Variants in AGBL4 observed in about 807,000 individuals in gnomAD.
AGBL4 encodes the protein AGBL carboxypeptidase 4.
Under a neutral mutation model 66.4 loss-of-function variants are expected in AGBL4, and 58 were observed. That is an observed-to-expected ratio of 0.87 (90% CI 0.71 to 1.09). The LOEUF is 1.09. Ranked by LOEUF, AGBL4 falls within the 50% of genes least tolerant of loss-of-function variation. The probability of loss-of-function intolerance (pLI) is 0.00; values close to 1 mark genes in which losing one functional copy is unlikely to be tolerated. For synonymous variants in AGBL4, 234 were observed against 222.9 expected (o/e 1.05, Z -0.44); for missense variants, 579 against 631.0 (o/e 0.92, Z 0.88).
chr1:48,659,177 A>G (rs535279979), intron 7 of AGBL4, among the ~76,000 whole-genome samples: 1 of 149,578 alleles, frequency 6.7e-6, no homozygotes, highest in African/African-American at 2.5e-5. Flanking sequence ...CTGGTCAGGC[A>G]CCTACCTGTG....
chr1:49,545,634 T>TG (rs746093288), intron 3 of AGBL4, among the ~76,000 whole-genome samples: 12 of 152,236 alleles, frequency 7.9e-5, no homozygotes, highest in Non-Finnish European at 1.6e-4. Flanking sequence ...CATATATCTA[T>TG]GGTATATGAG....
intron 3 of AGBL4, among the ~76,000 whole-genome samples, chr1:49,567,307 C>A (rs895172336): frequency 6.6e-6 from 1 of 152,172 alleles, no homozygotes; most frequent in African/African-American, 2.4e-5. Context: ...CACCCACTGT[C>A]CTGCACCCAC....
chr1:49,515,133 A>T (rs370999782), intron 3 of AGBL4, among the ~76,000 whole-genome samples: 18 of 152,146 alleles, frequency 1.2e-4, no homozygotes, highest in African/African-American at 4.3e-4. Context: ...TTTGCAATCT[A>T]CTCATCTGAC....
chr1:49,249,495 A>G (rs536886803), intron 3 of AGBL4, among the ~76,000 whole-genome samples: 1 of 152,332 alleles, frequency 6.6e-6, no homozygotes, highest in African/African-American at 2.4e-5. Context: ...ATCATCAAAA[A>G]ATGCAAATCA....
chr1:49,799,573 A>G (rs1009607542), intron 2 of AGBL4, among the ~76,000 whole-genome samples: 2 of 152,108 alleles, frequency 1.3e-5, no homozygotes, highest in African/African-American at 4.8e-5. Flanking sequence ...GGAAGAAAGG[A>G]TAGTAGAAAG....
chr1:48,606,849 T>C (rs1645161322), intron 9 of AGBL4, among the ~76,000 whole-genome samples: 1 of 152,208 alleles, frequency 6.6e-6, no homozygotes, highest in Non-Finnish European at 1.5e-5. Flanking sequence ...AAACTATGCA[T>C]ACACCCTGGA....
chr1:49,541,036 G>A (rs192676497), intron 3 of AGBL4, among the ~76,000 whole-genome samples: 1 of 152,238 alleles, frequency 6.6e-6, no homozygotes, highest in African/African-American at 2.4e-5. Flanking sequence ...CAAAATGAAA[G>A]ACAAATCAAG....
intron 3 of AGBL4, among the ~76,000 whole-genome samples, chr1:49,281,819 G>C (rs942640244): frequency 6.6e-6 from 1 of 152,208 alleles, no homozygotes; most frequent in Non-Finnish European, 1.5e-5. Context: ...TGCCCAGAAA[G>C]CACAGAAGCC....
chr1:48,848,368 T>C (rs1444485923), intron 6 of AGBL4, among the ~76,000 whole-genome samples: 1 of 152,226 alleles, frequency 6.6e-6, no homozygotes, highest in East Asian at 1.9e-4. Context: ...AGCCATAAAG[T>C]ATTTCATGGC....
chr1:49,000,509 C>A (rs1405918203), intron 5 of AGBL4, among the ~76,000 whole-genome samples: 1 of 152,136 alleles, frequency 6.6e-6, no homozygotes, highest in East Asian at 1.9e-4. Context: ...AATACATATA[C>A]AAATAGGAAT....
intron 1 of AGBL4, among the ~76,000 whole-genome samples, chr1:49,866,206 C>T (rs1646697043): frequency 6.6e-6 from 1 of 152,130 alleles, no homozygotes; most frequent in African/African-American, 2.4e-5. Context: ...TCCAGGAGAA[C>T]TTCCCCAACC....
chr1:48,737,938 C>T (rs1430304696), intron 6 of AGBL4, among the ~76,000 whole-genome samples: 1 of 152,136 alleles, frequency 6.6e-6, no homozygotes, highest in Non-Finnish European at 1.5e-5. Context: ...TGCCAAAGGT[C>T]CTTGTTTTCA....
At chr1:49,169,668 TC>T (rs1412333852) in intron 4 of AGBL4, among the ~76,000 whole-genome samples, 1 of 152,156 alleles carries the variant, frequency 6.6e-6, no homozygotes, top group Non-Finnish European at 1.5e-5. Context: ...GAAGTCTAAA[TC>T]CATGTGTATT....
At chr1:49,929,556 T>C (rs1295965980) in intron 1 of AGBL4, among the ~76,000 whole-genome samples, 1 of 152,016 alleles carries the variant, frequency 6.6e-6, no homozygotes, top group African/African-American at 2.4e-5. Flanking sequence ...AATAAGCTGT[T>C]TATAAACAAA....
rs139136456 is a variant in AGBL4 at position 49,034,493 on chromosome 1, A to C, written c.594+11091T>G. Reference sequence around the variant, plus strand: ...AGGTCTTGTCCTGTTAAACACTTGCATTCCTGACTTAAATTAATACTTTAA... The same window carrying C: ...AGGTCTTGTCCTGTTAAACACTTGCCTTCCTGACTTAAATTAATACTTTAA... On this transcript the variant is annotated intron_variant, in intron 5 of 13. Transcript: ENST00000371839. 4.5e-4 allele frequency among the ~76,000 whole-genome samples: 68 copies of C among 152,228 alleles called. 1 individual carries two copies. The South Asian group carries it at 9.5e-3, about 21-fold the overall frequency.
At chr1:49,608,433 A>C (rs1045080396) in intron 3 of AGBL4, among the ~76,000 whole-genome samples, 3 of 152,098 alleles carry the variant, frequency 2.0e-5, no homozygotes. Context: ...AAAGAGCCTA[A>C]AGAGTTTGTT....
intron 3 of AGBL4, among the ~76,000 whole-genome samples, chr1:49,395,816 C>CATAT (rs753086676): frequency 4.6e-5 from 5 of 108,962 alleles, no homozygotes; most frequent in African/African-American, 1.6e-4. Context: ...TATATGTATA[C>CATAT]ATATATATAT....
At chr1:49,752,795 G>A (rs1386067891) in intron 2 of AGBL4, among the ~76,000 whole-genome samples, 1 of 152,164 alleles carries the variant, frequency 6.6e-6, no homozygotes, top group African/African-American at 2.4e-5. Flanking sequence ...AGCCCTTCTT[G>A]TTGCATTGAT....
intron 6 of AGBL4, among the ~76,000 whole-genome samples, chr1:48,690,903 G>A (rs1397950962): frequency 1.3e-5 from 2 of 152,036 alleles, no homozygotes; most frequent in African/African-American, 2.4e-5. Context: ...CATGGCTCAC[G>A]CCTGTAATCC....
Sources: allele counts gnomAD v4.1 joint callset (sites outside exome capture counted in the v4.1 genomes callset), GRCh38; gene constraint gnomAD v4.1.1; transcripts MANE v1.5; gene names NCBI Gene and HGNC (gene_info 2026-07-23, HGNC 2026-07-21).